The following AGBL1 variants were observed in gnomAD, a reference collection of about 807,000 sequenced individuals.
AGBL1 encodes AGBL carboxypeptidase 1.
Under a neutral mutation model 118.9 loss-of-function variants are expected in AGBL1, and 130 were observed. That is an observed-to-expected ratio of 1.09 (90% CI 0.95 to 1.26). AGBL1 has a LOEUF of 1.26. Ranked by LOEUF, AGBL1 falls within the 50% of genes most tolerant of loss-of-function variation. The pLI is 0.00. For synonymous variants in AGBL1, 555 were observed against 478.9 expected (o/e 1.16, Z -2.08); for missense variants, 1,584 against 1,298.1 (o/e 1.22, Z -3.38).
At chr15:86,594,666 T>A (rs183027033) in intron 21 of AGBL1, among the ~76,000 whole-genome samples, 1 of 152,332 alleles carries the variant, frequency 6.6e-6, no homozygotes, top group East Asian at 1.9e-4. Context: ...AGCATGTTAG[T>A]ATGCTACATG....
At chr15:86,445,907 A>T (rs112539142) in intron 18 of AGBL1, among the ~76,000 whole-genome samples, 2 of 152,206 alleles carry the variant, frequency 1.3e-5, no homozygotes, top group African/African-American at 2.4e-5. Context: ...CCCTGTTAGC[A>T]GGATTGGGGC....
chr15:86,700,331 G>C (rs968609609), intron 22 of AGBL1, among the ~76,000 whole-genome samples: 1 of 151,904 alleles, frequency 6.6e-6, no homozygotes, highest in South Asian at 2.1e-4. Context: ...ACAGCAGTAT[G>C]TTCTAGGTTC....
At chr15:86,886,493 ATTCTGCCT>A (rs909407279) in intron 22 of AGBL1, among the ~76,000 whole-genome samples, 2 of 152,208 alleles carry the variant, frequency 1.3e-5, no homozygotes, top group South Asian at 4.1e-4. Context: ...GAAGAGAATT[ATTCTGCCT>A]TTCTTTAATT....
intron 23 of AGBL1, among the ~76,000 whole-genome samples, chr15:86,953,870 G>A (rs2080904203): frequency 6.6e-6 from 1 of 152,108 alleles, no homozygotes; most frequent in African/African-American, 2.4e-5. Flanking sequence ...TCAGCAAAAA[G>A]AAATAGTTTG....
intron 24 of AGBL1, among the ~76,000 whole-genome samples, chr15:87,028,225 GTCTT>G (rs1041148751): frequency 4.6e-5 from 7 of 151,818 alleles, no homozygotes; most frequent in Admixed American, 1.3e-4. Flanking sequence ...CTCTGAGAAT[GTCTT>G]TCTATTGGAA....
intron 23 of AGBL1, among the ~76,000 whole-genome samples, chr15:86,932,431 T>A (rs1386751678): frequency 6.6e-6 from 1 of 152,200 alleles, no homozygotes; most frequent in Non-Finnish European, 1.5e-5. Flanking sequence ...GCTGTGTGGA[T>A]AAGCTGATTT....
intron 22 of AGBL1, among the ~76,000 whole-genome samples, chr15:86,868,174 A>G (rs2079661255): frequency 6.6e-6 from 1 of 152,232 alleles, no homozygotes; most frequent in Non-Finnish European, 1.5e-5. Context: ...CGTACATGAA[A>G]AAAAACATGA....
rs893935248 is a variant in AGBL1, at chr15:86,879,747, C to T, written c.3159-27340C>T. Among the ~76,000 whole-genome samples the T allele has an allele frequency of 3.3e-5, 5 of 152,264 alleles. No individual in the cohort carries two copies. The South Asian group carries it at 6.2e-4, about 19-fold the overall frequency. ...ATCTCTGCCAGGGATGCTCACGAAA[C>T]GGCTCTTTATTTAGCTCCGCTGCAT... On this transcript the variant is annotated intron_variant, in intron 22 of 22. Coordinates refer to ENST00000614907, the MANE Select transcript of AGBL1 (RefSeq NM_001386094.1).
At chr15:86,209,620 A>T (rs951401610) in intron 5 of AGBL1, among the ~76,000 whole-genome samples, 3 of 151,804 alleles carry the variant, frequency 2.0e-5, no homozygotes, top group Non-Finnish European at 4.4e-5. Flanking sequence ...GATTTATCAG[A>T]CACTAAGATT....
At chr15:86,536,037 G>T (rs2083421512) in intron 19 of AGBL1, among the ~76,000 whole-genome samples, 1 of 152,084 alleles carries the variant, frequency 6.6e-6, no homozygotes, top group African/African-American at 2.4e-5. Context: ...TACCCATAAA[G>T]GTCCTGAATT....
At chr15:86,981,554 T>C (rs1414286485) in intron 23 of AGBL1, among the ~76,000 whole-genome samples, 1 of 152,228 alleles carries the variant, frequency 6.6e-6, no homozygotes, top group African/African-American at 2.4e-5. Context: ...CTCCTTGACT[T>C]GTAAGTGCTC....
At chr15:86,318,967 C>T (rs1053453804) in intron 17 of AGBL1, among the ~76,000 whole-genome samples, 2 of 152,090 alleles carry the variant, frequency 1.3e-5, no homozygotes, top group African/African-American at 2.4e-5. Context: ...TTTCCCCGTA[C>T]AGTCTTGCTA....
intron 21 of AGBL1, among the ~76,000 whole-genome samples, chr15:86,618,985 AG>A (rs2084767794): frequency 1.3e-5 from 2 of 152,060 alleles, no homozygotes; most frequent in African/African-American, 4.8e-5. Flanking sequence ...GAGATCATTT[AG>A]GTTCTAAAAG....
At chr15:86,149,991 C>G (rs1487761332) in intron 3 of AGBL1, among the ~76,000 whole-genome samples, 2 of 152,202 alleles carry the variant, frequency 1.3e-5, no homozygotes, top group African/African-American at 4.8e-5. Flanking sequence ...AACCGCACAA[C>G]TACATGGAAA....
intron 5 of AGBL1, among the ~76,000 whole-genome samples, chr15:86,195,709 CTT>C (rs2077790878): frequency 6.6e-6 from 1 of 152,090 alleles, no homozygotes. Flanking sequence ...TTATTGAGGA[CTT>C]TTGGCAAAAC....
intron 18 of AGBL1, among the ~76,000 whole-genome samples, chr15:86,448,013 C>A: frequency 6.6e-6 from 1 of 151,886 alleles, no homozygotes; most frequent in Non-Finnish European, 1.5e-5. Context: ...GGGGTGGTGG[C>A]ACGGGCCTGT....
At chr15:86,585,997 G>A (rs1470078041) in intron 21 of AGBL1, among the ~76,000 whole-genome samples, 1 of 152,216 alleles carries the variant, frequency 6.6e-6, no homozygotes, top group Non-Finnish European at 1.5e-5. Flanking sequence ...CTTTGGTGAT[G>A]TTCAGTGTCT....
intron 22 of AGBL1, among the ~76,000 whole-genome samples, chr15:86,718,487 A>G (rs967178259): frequency 9.9e-5 from 15 of 152,168 alleles, no homozygotes; most frequent in Admixed American, 8.5e-4. Context: ...TAGACATGTA[A>G]CAAACCTGCA....
intron 1 of AGBL1, among the ~76,000 whole-genome samples, chr15:86,086,796 T>C (rs1029240415): frequency 6.6e-6 from 1 of 152,174 alleles, no homozygotes; most frequent in Non-Finnish European, 1.5e-5. Context: ...CCATATATTG[T>C]TGTAGATGGT....
Sources: allele counts gnomAD v4.1 joint callset (sites outside exome capture counted in the v4.1 genomes callset), GRCh38; gene constraint gnomAD v4.1.1; transcripts MANE v1.5; gene names NCBI Gene and HGNC (gene_info 2026-07-23, HGNC 2026-07-21).